CLSTN2: variants seen among roughly 807,000 people sequenced by gnomAD.
CLSTN2 encodes calsyntenin 2.
In CLSTN2, 48 loss-of-function variants were observed where a neutral mutation model predicts 101.2. That is an observed-to-expected ratio of 0.47 (90% confidence interval 0.38 to 0.60). The LOEUF (loss-of-function observed/expected upper bound fraction) is 0.60. Among genes scored for constraint, CLSTN2 ranks in the 20% least tolerant of loss-of-function variants. The pLI is 0.00. For synonymous variants in CLSTN2, 481 were observed against 463.6 expected, an observed-to-expected ratio of 1.04 and a Z score of -0.48; for missense variants, 1,160 against 1,238.2, an observed-to-expected ratio of 0.94 and a Z score of 0.95.
intron 1 of CLSTN2, among the ~76,000 whole-genome samples, chr3:140,032,955 G>A (rs1218107357): frequency 6.6e-6 from 1 of 152,204 alleles, no homozygotes; most frequent in Non-Finnish European, 1.5e-5. Flanking sequence ...GTAGAGCAAG[G>A]ACATTAAAGT....
chr3:140,514,915 TTCTC>T (rs552061494), intron 8 of CLSTN2, among the ~76,000 whole-genome samples: 79 of 152,222 alleles, frequency 5.2e-4, no homozygotes, highest in African/African-American at 1.4e-3. Flanking sequence ...GACTCTCTCT[TTCTC>T]TATCTTTTGG....
chr3:140,253,603 T>C (rs2086581513), intron 2 of CLSTN2, among the ~76,000 whole-genome samples: 1 of 152,092 alleles, frequency 6.6e-6, no homozygotes, highest in African/African-American at 2.4e-5. Flanking sequence ...AGTGTACTGA[T>C]AGAAAACACA....
At chr3:140,433,644 C>A (rs2088659741) in intron 5 of CLSTN2, among the ~76,000 whole-genome samples, 1 of 152,210 alleles carries the variant, frequency 6.6e-6, no homozygotes, top group Non-Finnish European at 1.5e-5. Flanking sequence ...TTGGATAAGT[C>A]AGTGAACCTC....
At chr3:139,966,388 C>T (rs889762635) in intron 1 of CLSTN2, among the ~76,000 whole-genome samples, 1 of 152,212 alleles carries the variant, frequency 6.6e-6, no homozygotes, top group East Asian at 1.9e-4. Context: ...CTCCTGACTC[C>T]ATGGTTGTCT....
chr3:140,344,785 A>G (rs1371239070), intron 2 of CLSTN2, among the ~76,000 whole-genome samples: 2 of 152,148 alleles, frequency 1.3e-5, no homozygotes, highest in African/African-American at 2.4e-5. Flanking sequence ...CCACCACTCC[A>G]TGAATGTTGA....
At chr3:140,420,979 C>T in intron 4 of CLSTN2, 146 bp from the exon 5 acceptor site, 1 of 854,436 alleles carries the variant, frequency 1.2e-6, no homozygotes, top group African/African-American at 1.7e-5. Flanking sequence ...TGGAGCCATG[C>T]TCCTGTTTGC....
chr3:140,204,604 T>G (rs562575998), intron 2 of CLSTN2, among the ~76,000 whole-genome samples: 1 of 152,104 alleles, frequency 6.6e-6, no homozygotes, highest in East Asian at 1.9e-4. Flanking sequence ...GGCTTTACTG[T>G]CAAGGACAAA....
chr3:140,423,471 A>G, intron 5 of CLSTN2, among the ~76,000 whole-genome samples: 1 of 152,222 alleles, frequency 6.6e-6, no homozygotes, highest in East Asian at 1.9e-4. Flanking sequence ...TGGAATAAAG[A>G]AAGCAGGGAA....
In CLSTN2 at chr3:140,404,782, G is replaced by A; in HGVS notation, c.637+16G>A. On this transcript the variant is annotated intron_variant, in intron 4 of 16. Coordinates refer to ENST00000458420, the MANE Select transcript of CLSTN2 (RefSeq NM_022131.3). ...GACAGAAATGGTGAGTGACCTCAGAGGACCCCTGTGGGGTCAGGAAAACAA... is the reference window on the plus strand; with the variant it reads ...GACAGAAATGGTGAGTGACCTCAGAAGACCCCTGTGGGGTCAGGAAAACAA... The A allele has an allele frequency of 6.2e-7, 1 of 1,610,706 alleles. No individual in the cohort carries two copies. The highest frequency in any genetic ancestry group is 1.3e-5 in the African/African-American group (1 of 74,954).
chr3:139,990,587 C>G (rs1936098381), intron 1 of CLSTN2, among the ~76,000 whole-genome samples: 1 of 152,010 alleles, frequency 6.6e-6, no homozygotes, highest in Non-Finnish European at 1.5e-5. Context: ...ACTGAAAGTC[C>G]CTAGTTTATC....
intron 2 of CLSTN2, among the ~76,000 whole-genome samples, chr3:140,278,895 A>AT (rs568971534): frequency 1.7e-3 from 262 of 151,454 alleles, no homozygotes; most frequent in African/African-American, 6.2e-3. Flanking sequence ...AATGGTTTTA[A>AT]TTTTTTCTAG....
intron 2 of CLSTN2, among the ~76,000 whole-genome samples, chr3:140,392,767 A>C (rs996010639): frequency 6.6e-6 from 1 of 152,180 alleles, no homozygotes; most frequent in African/African-American, 2.4e-5. Context: ...TTTAAAAAGT[A>C]GATGGTGTCT....
intron 2 of CLSTN2, among the ~76,000 whole-genome samples, chr3:140,300,278 A>T (rs530381238): frequency 1.3e-5 from 2 of 152,314 alleles, no homozygotes; most frequent in East Asian, 3.9e-4. Context: ...GTGATTGGGA[A>T]TTTTACAGGT....
chr3:140,029,970 C>T (rs895387104), intron 1 of CLSTN2, among the ~76,000 whole-genome samples: 2 of 152,132 alleles, frequency 1.3e-5, no homozygotes, highest in African/African-American at 4.8e-5. Context: ...GAAGGTAAAG[C>T]TATTTTCAAG....
At chr3:140,017,712 A>G (rs2007230175) in intron 1 of CLSTN2, among the ~76,000 whole-genome samples, 1 of 152,192 alleles carries the variant, frequency 6.6e-6, no homozygotes, top group African/African-American at 2.4e-5. Context: ...GGGAGATGAC[A>G]TTCTAGAGGC....
chr3:140,160,308 T>C (rs1437880808), intron 1 of CLSTN2, among the ~76,000 whole-genome samples: 2 of 152,176 alleles, frequency 1.3e-5, no homozygotes, highest in East Asian at 3.8e-4. Flanking sequence ...ATGACATCTA[T>C]CTTAAATTTA....
chr3:140,490,100 A>G (rs1222113002), intron 8 of CLSTN2, among the ~76,000 whole-genome samples: 2 of 6,576 alleles, frequency 3.0e-4, no homozygotes, highest in African/African-American at 8.8e-4. Context: ...ATATATATAT[A>G]TATATATATA....
intron 1 of CLSTN2, among the ~76,000 whole-genome samples, chr3:140,059,305 G>T (rs944151442): frequency 2.0e-5 from 3 of 152,200 alleles, no homozygotes; most frequent in Admixed American, 1.3e-4. Context: ...AGCTCCAGAG[G>T]GGCAGGGCTT....
At position 140,479,951 on chromosome 3, in the gene CLSTN2, C is replaced by CT. The variant is rs59974749; in HGVS notation, c.1344+13230dup. Among the ~76,000 whole-genome samples the CT allele has an allele frequency of 3.3e-4, 50 of 149,370 alleles. 1 individual carries two copies. The highest frequency in any genetic ancestry group is 3.5e-3 in the Middle Eastern group (1 of 286). ...TGATGACCGAAAATAAAGATAAACT[C>CT]TTTTTTTTTTATTATTATACTTTAA... On this transcript the variant is annotated intron_variant, in intron 8 of 16. Transcript: ENST00000458420.
Sources: gnomAD v4.1 joint callset for allele counts (sites outside exome capture counted in the v4.1 genomes callset) on GRCh38, gnomAD v4.1.1 for gene constraint, MANE v1.5 for transcripts, NCBI Gene and HGNC (gene_info 2026-07-23, HGNC 2026-07-21) for gene names.